Variants in COG5 observed in about 807,000 individuals in gnomAD.
The protein encoded by COG5 is component of oligomeric golgi complex 5.
In COG5, 86 loss-of-function variants were observed where a neutral mutation model predicts 110.4. That is an observed-to-expected ratio of 0.78 (90% CI 0.65 to 0.93). COG5 has a LOEUF of 0.93. COG5 is among the 40% of genes least tolerant of loss of function. The pLI is 0.00. For synonymous variants in COG5, 360 were observed against 334.6 expected (o/e 1.08, Z -0.83); for missense variants, 1,077 against 987.0 (o/e 1.09, Z -1.22).
At chr7:107,307,310 T>G (rs1807813392) in intron 11 of COG5, among the ~76,000 whole-genome samples, 1 of 152,216 alleles carries the variant, frequency 6.6e-6, no homozygotes, top group South Asian at 2.1e-4. Flanking sequence ...CCCCATTCTT[T>G]CCTGTATTTT....
intron 7 of COG5, among the ~76,000 whole-genome samples, chr7:107,376,378 A>T (rs1304075493): frequency 6.6e-6 from 1 of 151,970 alleles, no homozygotes; most frequent in South Asian, 2.1e-4. Context: ...GAAATAATGG[A>T]TATCTTTGTA....
chr7:107,511,624 A>C (rs546270851), intron 6 of COG5, among the ~76,000 whole-genome samples: 1 of 152,374 alleles, frequency 6.6e-6, no homozygotes, highest in South Asian at 2.1e-4. Flanking sequence ...ATCCTTGATG[A>C]ACGCTGATGC....
intron 6 of COG5, among the ~76,000 whole-genome samples, chr7:107,465,611 G>A (rs1415006336): frequency 6.6e-6 from 1 of 152,122 alleles, no homozygotes; most frequent in Non-Finnish European, 1.5e-5. Flanking sequence ...GAGATCAGAA[G>A]GTAGGAGTAA....
intron 19 of COG5, among the ~76,000 whole-genome samples, chr7:107,226,110 T>G (rs1800320357): frequency 6.6e-6 from 1 of 152,198 alleles, no homozygotes; most frequent in South Asian, 2.1e-4. Context: ...TCACCTGTTT[T>G]ACCTAGTGAT....
chr7:107,520,869 GCAT>G (rs1800274575), intron 6 of COG5, among the ~76,000 whole-genome samples: 2 of 152,110 alleles, frequency 1.3e-5, no homozygotes, highest in Admixed American at 1.3e-4. Context: ...AAAACTGGAG[GCAT>G]CATGAGATCT....
intron 7 of COG5, among the ~76,000 whole-genome samples, chr7:107,408,930 C>A (rs751294190): frequency 9.9e-5 from 15 of 151,990 alleles, no homozygotes; most frequent in Non-Finnish European, 2.1e-4. Context: ...CCCTCCCAAC[C>A]ATATCCTATA....
Position 107,412,515 on chromosome 7 carries a change from C to G in COG5, c.656G>C (p.Gly219Ala). The change falls in exon 7 of 22, where the codon GGT (glycine) becomes GCT (alanine). Residue 219 changes from glycine (G) to alanine (A), a missense_variant. Physicochemically the swap from Gly to Ala is moderately conservative, Grantham distance 60 (BLOSUM62 0). Coordinates refer to ENST00000297135, the MANE Select transcript of COG5 (RefSeq NM_006348.5). ...TATTTTTATTACCTGAGTCTCCAAA[C>G]CCTGCTCTAGTAGGCGCTTAGCTTG... is the stretch of plus-strand genomic sequence containing the variant. Reference protein sequence around the residue: ...ENQAKRLLEQGLETQNPTQVG... With the variant: ...ENQAKRLLEQALETQNPTQVG... The G allele has an allele frequency of 6.2e-7, 1 of 1,612,894 alleles. No individual in the cohort carries two copies. The highest frequency in any genetic ancestry group is 8.5e-7 in the Non-Finnish European group (1 of 1,179,616).
intron 19 of COG5, among the ~76,000 whole-genome samples, chr7:107,212,144 T>C (rs964600475): frequency 5.3e-5 from 8 of 152,226 alleles, no homozygotes; most frequent in East Asian, 3.8e-4. Flanking sequence ...TCTCAATAGA[T>C]AGCTGGTTCT....
chr7:107,311,887 C>T (rs906923436), intron 11 of COG5, among the ~76,000 whole-genome samples: 13 of 151,524 alleles, frequency 8.6e-5, no homozygotes, highest in Admixed American at 2.0e-4. Context: ...TCAAGGTTTT[C>T]ATCATTGCTT....
rs993089031 is a variant in COG5 at position 107,208,803 on chromosome 7, C to T, written c.2375+1723G>A. On this transcript the variant is annotated intron_variant, in intron 21 of 21. Transcript: ENST00000297135. ...GCTCATGTGGGATGTGGGTACCAAG[C>T]TTGAGGGCTCAGGGTCACTTCTGGA... The T allele has an allele frequency of 5.1e-6, 5 of 985,378 alleles. No homozygotes were observed. In the African/African-American group the frequency reaches 8.7e-5, roughly 17 times the overall value. 61.0% of individuals were successfully genotyped at this position (985,378 alleles called of 1,614,324 possible). A position where few individuals can be genotyped will look rare whatever the true frequency, so the allele number is the denominator to read the frequency against.
intron 3 of COG5, among the ~76,000 whole-genome samples, chr7:107,553,781 G>A (rs974596999): frequency 2.6e-5 from 4 of 151,822 alleles, no homozygotes; most frequent in Admixed American, 2.6e-4. Context: ...GCAAAAATAA[G>A]AAAAAAAATT....
chr7:107,487,550 A>G (rs1797722034), intron 6 of COG5, among the ~76,000 whole-genome samples: 1 of 152,102 alleles, frequency 6.6e-6, no homozygotes, highest in Non-Finnish European at 1.5e-5. Context: ...TAAACCTATG[A>G]GTATTTTTCA....
intron 10 of COG5, among the ~76,000 whole-genome samples, chr7:107,348,523 T>C (rs1019325671): frequency 4.6e-5 from 7 of 152,176 alleles, no homozygotes; most frequent in African/African-American, 1.4e-4. Context: ...TTTTGGAAAG[T>C]TGTATTTTTC....
intron 6 of COG5, among the ~76,000 whole-genome samples, chr7:107,450,765 T>A (rs1584840495): frequency 6.6e-6 from 1 of 152,186 alleles, no homozygotes; most frequent in African/African-American, 2.4e-5. Flanking sequence ...AGTCTTTTGG[T>A]TGTTCAACAA....
At chr7:107,369,935 A>G (rs890377055) in intron 8 of COG5, among the ~76,000 whole-genome samples, 2 of 152,066 alleles carry the variant, frequency 1.3e-5, no homozygotes, top group African/African-American at 4.8e-5. Flanking sequence ...CATCCTCCAA[A>G]AAGAGGCTGA....
chr7:107,369,708 T>C (rs546733202), intron 8 of COG5, among the ~76,000 whole-genome samples: 1 of 152,278 alleles, frequency 6.6e-6, no homozygotes, highest in East Asian at 1.9e-4. Flanking sequence ...AATTCTTACA[T>C]ATACATGCCA....
At chr7:107,389,944 T>C (rs780677918) in intron 7 of COG5, among the ~76,000 whole-genome samples, 1 of 152,200 alleles carries the variant, frequency 6.6e-6, no homozygotes, top group Non-Finnish European at 1.5e-5. Flanking sequence ...TATCCATCCA[T>C]ATGTTTTCCT....
chr7:107,410,518 C>G (rs117551493), intron 7 of COG5, among the ~76,000 whole-genome samples: 3,218 of 152,200 alleles, frequency 0.021, 59 homozygotes, highest in South Asian at 0.037. Context: ...TCTCGGCTCA[C>G]CGCAACCTCC....
intron 12 of COG5, among the ~76,000 whole-genome samples, chr7:107,288,398 C>T (rs1487520662): frequency 6.6e-6 from 1 of 152,100 alleles, no homozygotes; most frequent in African/African-American, 2.4e-5. Context: ...AACCCTTTTC[C>T]AAGGCCCTGT....
Sources: allele counts gnomAD v4.1 joint callset (sites outside exome capture counted in the v4.1 genomes callset), GRCh38; gene constraint gnomAD v4.1.1; transcripts MANE v1.5; gene names NCBI Gene and HGNC (gene_info 2026-07-23, HGNC 2026-07-21).